The following TENM1 variants were observed in gnomAD, a reference collection of about 807,000 sequenced individuals.
The protein encoded by TENM1 is teneurin-1.
A neutral mutation model predicts 174.8 loss-of-function variants in TENM1; 35 were observed. That is an observed-to-expected ratio of 0.20 (90% CI 0.15 to 0.27). The LOEUF is 0.27. TENM1 is among the 10% of genes least tolerant of loss of function. The pLI, the probability that TENM1 is intolerant of heterozygous loss-of-function variation, is 1.00. For missense variants in TENM1, 1,633 were observed against 2,130.1 expected (o/e 0.77, Z 4.59); for synonymous variants, 781 against 798.7 (o/e 0.98, Z 0.37).
chrX:124,751,640 C>G (rs7473266), intron 3 of TENM1, among the ~76,000 whole-genome samples: 1 of 70,773 alleles, frequency 1.4e-5, no homozygotes, highest in Non-Finnish European at 2.7e-5. Flanking sequence ...ATCCCTCCCC[C>G]CTCCCCCCAC....
chrX:124,549,008 A>G (rs2048496546), intron 14 of TENM1, among the ~76,000 whole-genome samples: 1 of 111,598 alleles, frequency 9.0e-6, no homozygotes, highest in African/African-American at 3.3e-5. Flanking sequence ...ATTTCTCTGT[A>G]TACATATTTT....
chrX:124,646,556 T>G (rs2051165002), intron 9 of TENM1, among the ~76,000 whole-genome samples, 153 bp downstream of exon 12: 2 of 112,363 alleles, frequency 1.8e-5, no homozygotes, highest in Admixed American at 1.9e-4. Flanking sequence ...CCTGGCATAG[T>G]AAGTGCTCAG....
At chrX:124,518,410 G>A (rs181553365) in intron 18 of TENM1, among the ~76,000 whole-genome samples, 1 of 106,986 alleles carries the variant, frequency 9.3e-6, no homozygotes, top group South Asian at 4.3e-4. Flanking sequence ...TGTTGGGGGC[G>A]GAGGGGTGGG....
Position 124,669,704 on chromosome X carries a change from A to G in TENM1, c.1168+1979T>C, listed in dbSNP as rs73543986. 8.9e-3 allele frequency among the ~76,000 whole-genome samples: 989 copies of G among 111,749 alleles called. 10 individuals carry two copies. Among genetic ancestry groups the G allele is most frequent in the African/African-American group, 0.031 (959 of 30,777 alleles). On this transcript the variant is annotated intron_variant, in intron 6 of 31. Transcript: ENST00000422452. The stretch of plus-strand genomic sequence containing the variant: ...AAGCTAGCAACTTGGTATATGAGGC[A>G]TCAACCCATAATGATTTTTCTTAAT...
chrX:124,916,373 T>C (rs1424857536), intron 1 of TENM1, among the ~76,000 whole-genome samples: 1 of 111,163 alleles, frequency 9.0e-6, no homozygotes, highest in African/African-American at 3.3e-5. Context: ...AGTAGCATCA[T>C]CATAGCTCAC....
chrX:125,198,607 C>T, the TENM1 span, among the ~76,000 whole-genome samples: 3 of 111,411 alleles, frequency 2.7e-5, no homozygotes, highest in South Asian at 3.7e-4. Context: ...ACTGATTTTT[C>T]GTTCAGCTTA....
At chrX:124,953,438 C>T (rs1323999011) in intron 1 of TENM1, among the ~76,000 whole-genome samples, 1 of 111,533 alleles carries the variant, frequency 9.0e-6, no homozygotes, top group Non-Finnish European at 1.9e-5. Flanking sequence ...TGAACAGTCC[C>T]GCTACTTCAG....
chrX:125,199,483 T>G, the TENM1 span, among the ~76,000 whole-genome samples: 1 of 112,096 alleles, frequency 8.9e-6, no homozygotes, highest in Admixed American at 9.5e-5. Context: ...AGAGCGGGGG[T>G]GGAGAATCCA....
At chrX:125,067,223 C>G in the TENM1 span, among the ~76,000 whole-genome samples, 1 of 111,062 alleles carries the variant, frequency 9.0e-6, no homozygotes, top group African/African-American at 3.3e-5. Flanking sequence ...TCAAAGTCCC[C>G]AAAGAAAGGG....
chrX:124,974,037 A>G, the TENM1 span, among the ~76,000 whole-genome samples: 1 of 111,556 alleles, frequency 9.0e-6, no homozygotes, highest in Non-Finnish European at 1.9e-5. Context: ...ATGTATACCT[A>G]TGTAGCAAAC....
the TENM1 span, among the ~76,000 whole-genome samples, chrX:125,042,138 T>C: frequency 3.8e-4 from 42 of 111,462 alleles, no homozygotes; most frequent in Non-Finnish European, 7.0e-4. Context: ...TCAGTGCTCT[T>C]AGAGAAAAAA....
At chrX:124,968,820 A>G in the TENM1 span, among the ~76,000 whole-genome samples, 1 of 112,122 alleles carries the variant, frequency 8.9e-6, no homozygotes, top group Non-Finnish European at 1.9e-5. Context: ...CATAACTGTG[A>G]TATTTGTCAA....
chrX:124,649,237 A>G lies in TENM1; in HGVS notation c.1580-2427T>C, dbSNP rs765943058. ...AGTTCTATGTTTAAACCCTGTTCTT[A>G]TGCTACAGTCAAAAGCCCCTTGATA... On this transcript the variant is annotated intron_variant, in intron 8 of 31. Coordinates refer to ENST00000422452, the Ensembl canonical transcript of TENM1. Among the ~76,000 whole-genome samples, 36 of 112,637 alleles carry G rather than the reference A, an allele frequency of 3.2e-4. No individual in the cohort carries two copies. The Admixed American group carries it at 3.3e-3, about 10-fold the overall frequency.
At chrX:124,832,267 T>C in intron 3 of TENM1, among the ~76,000 whole-genome samples, 1 of 112,589 alleles carries the variant, frequency 8.9e-6, no homozygotes, top group South Asian at 3.7e-4. Flanking sequence ...ATGAAGGCTT[T>C]AGTAGAGGCA....
the TENM1 span, among the ~76,000 whole-genome samples, chrX:125,177,853 T>C: frequency 8.9e-6 from 1 of 112,372 alleles, no homozygotes; most frequent in African/African-American, 3.2e-5. Context: ...GATCATGGCT[T>C]ATCTATAAAC....
the TENM1 span, among the ~76,000 whole-genome samples, chrX:125,139,860 A>ACACACACG: frequency 1.8e-4 from 11 of 62,130 alleles, no homozygotes; most frequent in African/African-American, 7.8e-4. Flanking sequence ...ACACACACGG[A>ACACACACG]GAGAGAGAGA....
chrX:125,158,302 C>T, the TENM1 span, among the ~76,000 whole-genome samples: 5 of 100,672 alleles, frequency 5.0e-5, no homozygotes, highest in Non-Finnish European at 2.0e-5. Flanking sequence ...ACTCGGGAGG[C>T]TGGGGCAGGA....
At chrX:125,159,237 T>C in the TENM1 span, among the ~76,000 whole-genome samples, 14 of 112,380 alleles carry the variant, frequency 1.2e-4, no homozygotes, top group East Asian at 3.9e-3. Flanking sequence ...CGTATCCTCA[T>C]GCTAGCTCCC....
chrX:124,441,487 A>T (rs868782637), intron 23 of TENM1, among the ~76,000 whole-genome samples: 15 of 112,121 alleles, frequency 1.3e-4, no homozygotes, highest in African/African-American at 4.2e-4. Flanking sequence ...GCTATGGTTG[A>T]TGTAGATTGA....
Sources: allele counts gnomAD v4.1 joint callset (sites outside exome capture counted in the v4.1 genomes callset), GRCh38; gene constraint gnomAD v4.1.1; transcripts MANE v1.5; gene names NCBI Gene and HGNC (gene_info 2026-07-23, HGNC 2026-07-21).